The following ADGRL4 variants were observed in gnomAD, a reference collection of about 807,000 sequenced individuals.
ADGRL4 encodes the protein adhesion G protein-coupled receptor L4.
ADGRL4 carries 90 observed loss-of-function variants against 74.8 expected under a neutral mutation model. That is an observed-to-expected ratio of 1.20 (90% CI 1.02 to 1.43). The LOEUF (loss-of-function observed/expected upper bound fraction) is 1.43, where lower values mean the gene tolerates loss of function less well. ADGRL4 is among the 40% of genes most tolerant of loss of function. The probability of loss-of-function intolerance (pLI) is 0.00; values close to 1 mark genes in which losing one functional copy is unlikely to be tolerated. For synonymous variants in ADGRL4, 311 were observed against 279.2 expected (o/e 1.11, Z -1.14); for missense variants, 881 against 814.3 (o/e 1.08, Z -1.00).
At chr1:78,982,518 G>A (rs977435294) in intron 2 of ADGRL4, among the ~76,000 whole-genome samples, 3 of 151,854 alleles carry the variant, frequency 2.0e-5, no homozygotes, top group African/African-American at 7.3e-5. Context: ...TCCTCTTTCT[G>A]CTCTGTCATC....
At chr1:78,944,179 A>T (rs145305650) in intron 3 of ADGRL4, among the ~76,000 whole-genome samples, 1 of 152,210 alleles carries the variant, frequency 6.6e-6, no homozygotes, top group African/African-American at 2.4e-5. Flanking sequence ...GAGGGTTATT[A>T]AAAGTAAACA....
intron 2 of ADGRL4, among the ~76,000 whole-genome samples, chr1:78,970,989 G>A (rs367682101): frequency 2.4e-4 from 37 of 152,242 alleles, no homozygotes; most frequent in African/African-American, 8.7e-4. Context: ...AAGGCCTTGG[G>A]ATTTTTGAGC....
chr1:78,952,622 A>T (rs1649753676), intron 2 of ADGRL4, among the ~76,000 whole-genome samples: 1 of 152,158 alleles, frequency 6.6e-6, no homozygotes, highest in African/African-American at 2.4e-5. Context: ...TAATAGACTT[A>T]TAAAGCCCAT....
chr1:78,933,892 C>T (rs552940906), intron 7 of ADGRL4, among the ~76,000 whole-genome samples: 28 of 152,132 alleles, frequency 1.8e-4, no homozygotes, highest in African/African-American at 6.5e-4. Context: ...AGGACCTCTT[C>T]AAGGAGAAGT....
At chr1:78,980,534 A>G (rs1429183166) in intron 2 of ADGRL4, among the ~76,000 whole-genome samples, 3 of 151,992 alleles carry the variant, frequency 2.0e-5, no homozygotes, top group Non-Finnish European at 2.9e-5. Flanking sequence ...TAATATTGTT[A>G]AAACACAATT....
At chr1:78,975,089 T>C (rs560039883) in intron 2 of ADGRL4, among the ~76,000 whole-genome samples, 4 of 152,254 alleles carry the variant, frequency 2.6e-5, no homozygotes, top group Admixed American at 6.5e-5. Flanking sequence ...TTGACTCCTA[T>C]TACAATCATA....
At chr1:78,898,036 T>A (rs1049142181) in intron 12 of ADGRL4, among the ~76,000 whole-genome samples, 5 of 152,114 alleles carry the variant, frequency 3.3e-5, no homozygotes, top group African/African-American at 1.2e-4. Context: ...TTACACGGTA[T>A]GGAAAAATAT....
At chr1:78,976,707 C>T (rs527912047) in intron 2 of ADGRL4, among the ~76,000 whole-genome samples, 1 of 150,962 alleles carries the variant, frequency 6.6e-6, no homozygotes, top group East Asian at 2.0e-4. Flanking sequence ...CCATAAAAAA[C>T]ACAAACAATC....
chr1:78,947,675 GAGA>G (rs1445770790), intron 2 of ADGRL4, among the ~76,000 whole-genome samples: 1 of 152,074 alleles, frequency 6.6e-6, no homozygotes, highest in Admixed American at 6.6e-5. Context: ...TAGAGAGAAA[GAGA>G]AGAAGAAAGG....
chr1:78,906,004 C>CT lies in ADGRL4; in HGVS notation c.1749+11629dup, dbSNP rs564088581. On this transcript the variant is annotated intron_variant, in intron 12 of 14. Transcript: ENST00000370742. ...ATATAATTATTCTCCAGGAATAACT[C>CT]TGAGTAGGGAAAAATAATAAAGTTA... Among the ~76,000 whole-genome samples the CT allele has an allele frequency of 1.3e-3, 203 of 151,980 alleles. 1 individual carries two copies. Among genetic ancestry groups the CT allele is most frequent in the East Asian group, 3.7e-3 (19 of 5,176 alleles).
At chr1:78,926,830 C>T in intron 8 of ADGRL4, 56 bp downstream of exon 8, 1 of 1,269,220 alleles carries the variant, frequency 7.9e-7, no homozygotes. Flanking sequence ...AACAAAGAGT[C>T]CAGTTCTCTG....
intron 2 of ADGRL4, among the ~76,000 whole-genome samples, chr1:78,971,008 C>A (rs2100717320): frequency 6.6e-6 from 1 of 152,276 alleles, no homozygotes; most frequent in Middle Eastern, 3.4e-3. Flanking sequence ...GCCATCCTTA[C>A]CCCTCCCCTT....
chr1:78,932,479 C>T lies in ADGRL4; in HGVS notation c.877+3816G>A, dbSNP rs574944893. Reference sequence around the variant, plus strand: ...GCCCACAACAGAAAGCTAGAAAAATCTCAAATCAATACCCTAACATCACAA... The same window carrying T: ...GCCCACAACAGAAAGCTAGAAAAATTTCAAATCAATACCCTAACATCACAA... On this transcript the variant is annotated intron_variant, in intron 7 of 14. Coordinates refer to ENST00000370742, the MANE Select transcript of ADGRL4 (RefSeq NM_022159.4). 1.7e-4 allele frequency among the ~76,000 whole-genome samples: 25 copies of T among 151,040 alleles called. 3 individuals are homozygous for T. Among genetic ancestry groups the T allele is most frequent in the African/African-American group, 5.9e-4 (24 of 40,600 alleles).
chr1:78,975,087 T>C (rs1650250253), intron 2 of ADGRL4, among the ~76,000 whole-genome samples: 1 of 152,134 alleles, frequency 6.6e-6, no homozygotes, highest in Non-Finnish European at 1.5e-5. Context: ...TTTTGACTCC[T>C]ATTACAATCA....
Position 78,938,199 on chromosome 1 carries a change from T to G in ADGRL4, c.477A>C (p.Ile159=). 1 of 1,611,814 alleles carries G rather than the reference T, an allele frequency of 6.2e-7. No individual in the cohort carries two copies. The highest frequency in any genetic ancestry group is 1.1e-5 in the South Asian group (1 of 90,408). Reference sequence around the variant, plus strand: ...CAGCTAATATTTCTATATATGTAATTATATCTGTTGGTGAAAGATCTGTCA... The same window carrying G: ...CAGCTAATATTTCTATATATGTAATGATATCTGTTGGTGAAAGATCTGTCA... The part of the protein sequence containing the change: ...NSVTDLSPTD[I]ITYIEILAES... The change falls in exon 5 of 15, where the codon ATA becomes ATC. Residue 159 remains isoleucine (I), a synonymous_variant. Coordinates refer to ENST00000370742, the MANE Select transcript of ADGRL4 (RefSeq NM_022159.4).
chr1:79,005,070 C>A lies in ADGRL4; in HGVS notation c.172G>T (p.Asp58Tyr). The change falls in exon 2 of 15, where the codon GAT becomes TAT. Residue 58 changes from aspartate (D) to tyrosine (Y), a missense_variant and splice_region_variant. Physicochemically the swap from Asp to Tyr is radical, Grantham distance 160 (BLOSUM62 -3). Transcript: ENST00000370742. ...AAAAGAAGTAACAAAGCTTGTTTAC[C>A]TTCACAAATTGTGACACCATTTCCT... The part of the protein sequence containing the change: ...FSGNGVTICE[D>Y]DNECGNLTQS... 1 of 1,610,596 alleles carries A rather than the reference C, an allele frequency of 6.2e-7. No individual in the cohort carries two copies. The highest frequency in any genetic ancestry group is 1.1e-5 in the South Asian group (1 of 90,212).
chr1:79,004,762 G>A (rs1047235638), intron 2 of ADGRL4, among the ~76,000 whole-genome samples: 3 of 152,036 alleles, frequency 2.0e-5, no homozygotes, highest in African/African-American at 7.2e-5. Context: ...TATACATTTC[G>A]TGAACTCTTT....
intron 3 of ADGRL4, chr1:78,939,650 T>C (rs1649435111): frequency 6.5e-6 from 1 of 153,166 alleles, no homozygotes. Context: ...GTAATTTACA[T>C]TGGCAGTAAG....
chr1:78,968,350 G>A (rs1650098022), intron 2 of ADGRL4, among the ~76,000 whole-genome samples: 1 of 152,024 alleles, frequency 6.6e-6, no homozygotes, highest in South Asian at 2.1e-4. Flanking sequence ...CAGGCTGGAG[G>A]CAGCCTAATC....
Sources: allele counts gnomAD v4.1 joint callset (sites outside exome capture counted in the v4.1 genomes callset), GRCh38; gene constraint gnomAD v4.1.1; transcripts MANE v1.5; gene names NCBI Gene and HGNC (gene_info 2026-07-23, HGNC 2026-07-21).